ZNF100: variants seen among roughly 807,000 people sequenced by gnomAD.
ZNF100 encodes zinc finger protein 100 (Y1).
Under a neutral mutation model 15.8 loss-of-function variants are expected in ZNF100, and 12 were observed. That is an observed-to-expected ratio of 0.76 (90% CI 0.49 to 1.23). The LOEUF (loss-of-function observed/expected upper bound fraction) is 1.23, where lower values mean the gene tolerates loss of function less well. Among genes scored for constraint, ZNF100 ranks in the 50% most tolerant of loss-of-function variants. The pLI, the probability that ZNF100 is intolerant of heterozygous loss-of-function variation, is 0.00. For synonymous variants in ZNF100, 226 were observed against 214.8 expected, an observed-to-expected ratio of 1.05 and a Z score of -0.45; for missense variants, 670 against 635.6, an observed-to-expected ratio of 1.05 and a Z score of -0.58.
Position 21,726,380 on chromosome 19 carries a change from A to G in ZNF100, c.*303T>C, listed in dbSNP as rs965193060. The G allele has an allele frequency of 1.3e-5, 4 of 318,088 alleles. No homozygotes were observed. The highest frequency in any genetic ancestry group is 8.6e-5 in the African/African-American group (4 of 46,318). The allele number at this position is 318,088 out of a possible 1,614,324, so 19.7% of individuals were successfully genotyped here. On this transcript the variant is annotated 3_prime_UTR_variant, in exon 5 of 5. Transcript: ENST00000358296. ...CACACATGTAGAAGTTTTCTCCAGT[A>G]TAACTTACCTTACCTACAATCAAGT... is the stretch of plus-strand genomic sequence containing the variant.
At chr19:21,755,567 C>T (rs1166578565) in intron 2 of ZNF100, among the ~76,000 whole-genome samples, 1 of 152,150 alleles carries the variant, frequency 6.6e-6, no homozygotes, top group Non-Finnish European at 1.5e-5. Flanking sequence ...TTTGATCCAG[C>T]AATCCCATTA....
At position 21,767,558 on chromosome 19, in the gene ZNF100, G is replaced by A. The variant is rs1162475330; in HGVS notation, c.-129C>T. On this transcript the variant is annotated 5_prime_UTR_variant, in exon 1 of 5. Coordinates refer to ENST00000358296, the MANE Select transcript of ZNF100 (RefSeq NM_173531.4). ...AAGTGAGAGCAAAACCTGGAGCTCC[G>A]GCTACAGCGAGAGACAAAGACCCCG... 9.2e-6 allele frequency: 13 copies of A among 1,408,450 alleles called. No homozygotes were observed. The highest frequency in any genetic ancestry group is 2.4e-5 in the East Asian group (1 of 41,614). The allele number at this position is 1,408,450 out of a possible 1,614,324, so 87.2% of individuals were successfully genotyped here. A position where few individuals can be genotyped will look rare whatever the true frequency, so the allele number is the denominator to read the frequency against.
At chr19:21,749,206 C>CT (rs901981289) in intron 2 of ZNF100, among the ~76,000 whole-genome samples, 1 of 151,826 alleles carries the variant, frequency 6.6e-6, no homozygotes, top group East Asian at 1.9e-4. Flanking sequence ...CGGACCTCCT[C>CT]TTTGTGTTTC....
At chr19:21,731,859 G>A (rs1428611907) in intron 4 of ZNF100, among the ~76,000 whole-genome samples, 1 of 152,202 alleles carries the variant, frequency 6.6e-6, no homozygotes, top group East Asian at 1.9e-4. Context: ...CAAATTGGTT[G>A]TTGTACATTG....
chr19:21,739,879 C>T (rs1265860419), intron 4 of ZNF100, among the ~76,000 whole-genome samples: 4 of 152,032 alleles, frequency 2.6e-5, no homozygotes, highest in Admixed American at 2.6e-4. Flanking sequence ...TATTCCTGCT[C>T]GAGGGTCAAA....
At chr19:21,730,003 A>G (rs1273849336) in intron 4 of ZNF100, among the ~76,000 whole-genome samples, 5 of 152,228 alleles carry the variant, frequency 3.3e-5, no homozygotes, top group Non-Finnish European at 7.4e-5. Flanking sequence ...AAGTAAAAGC[A>G]TATCAATATA....
intron 2 of ZNF100, among the ~76,000 whole-genome samples, chr19:21,759,334 T>C (rs2036442284): frequency 6.6e-6 from 1 of 152,152 alleles, no homozygotes; most frequent in Non-Finnish European, 1.5e-5. Context: ...ATGAAACATA[T>C]AGATAACCCT....
chr19:21,731,101 C>G (rs1395352592), intron 4 of ZNF100, among the ~76,000 whole-genome samples: 2 of 151,938 alleles, frequency 1.3e-5, no homozygotes, highest in Non-Finnish European at 2.9e-5. Flanking sequence ...ATTATAGTTC[C>G]TGATTTAAAA....
intron 2 of ZNF100, chr19:21,751,289 T>C (rs2036303066): frequency 4.0e-6 from 4 of 992,838 alleles, no homozygotes; most frequent in Admixed American, 3.4e-5. Flanking sequence ...CTTAGAAATA[T>C]ATTACCACAT....
chr19:21,726,076 C>T lies in ZNF100; in HGVS notation c.*607G>A, dbSNP rs1221863056. The T allele has an allele frequency of 2.0e-5, 3 of 152,062 alleles. No homozygotes were observed. The highest frequency in any genetic ancestry group is 4.8e-5 in the African/African-American group (2 of 41,406). The allele number at this position is 152,062 out of a possible 1,614,324, so 9.4% of individuals were successfully genotyped here. A position where few individuals can be genotyped will look rare whatever the true frequency, so the allele number is the denominator to read the frequency against. On this transcript the variant is annotated 3_prime_UTR_variant, in exon 5 of 5. Coordinates refer to ENST00000358296, the MANE Select transcript of ZNF100 (RefSeq NM_173531.4). ...TTCAGAGGTTTCCTCTAATACAAAA[C>T]GTGTACAGTAAGATCTGTGATACAA... is the stretch of plus-strand genomic sequence containing the variant.
chr19:21,723,516 A>G lies in ZNF100; in HGVS notation c.*3167T>C, dbSNP rs538899960. The G allele has an allele frequency of 6.6e-6, 1 of 152,356 alleles. No individual in the cohort carries two copies. 9.4% of individuals were successfully genotyped at this position (152,356 alleles called of 1,614,324 possible). On this transcript the variant is annotated 3_prime_UTR_variant, in exon 5 of 5. Coordinates refer to ENST00000358296, the MANE Select transcript of ZNF100 (RefSeq NM_173531.4). Reference sequence around the variant, plus strand: ...GCTGCATACATAGCTGGGGATACACATAATAAATACAGAGAAATCTGAAGA... The same window carrying G: ...GCTGCATACATAGCTGGGGATACACGTAATAAATACAGAGAAATCTGAAGA...
In ZNF100 at chr19:21,751,635, C is replaced by T. The variant is rs1017155508; in HGVS notation, c.97-6568G>A. 8.0e-6 allele frequency: 12 copies of T among 1,498,774 alleles called. No individual in the cohort carries two copies. The African/African-American group carries it at 1.7e-4, about 21-fold the overall frequency. 92.8% of individuals were successfully genotyped at this position (1,498,774 alleles called of 1,614,324 possible). On this transcript the variant is annotated intron_variant, in intron 2 of 4. Transcript: ENST00000358296. Reference sequence around the variant, plus strand: ...TACTGCCAGATCCTCAAGGACATTACAGTTGAGGACATGAATGAAATGGAA... The same window carrying T: ...TACTGCCAGATCCTCAAGGACATTATAGTTGAGGACATGAATGAAATGGAA...
chr19:21,741,500 G>C (rs1044839918), intron 4 of ZNF100, among the ~76,000 whole-genome samples: 1 of 151,908 alleles, frequency 6.6e-6, no homozygotes, highest in Non-Finnish European at 1.5e-5. Flanking sequence ...TCAGCCTCCC[G>C]AGTAGCTGGG....
chr19:21,727,512 C>T lies in ZNF100; in HGVS notation c.800G>A (p.Gly267Glu), dbSNP rs2035828166. The T allele has an allele frequency of 4.3e-6, 7 of 1,613,616 alleles. 1 individual carries two copies. The highest frequency in any genetic ancestry group is 5.1e-6 in the Non-Finnish European group (6 of 1,179,796). ...GEKPYKCEEC[G>E]KAFNRSSHLT... ...GTGTGAGGACCGGTTAAATGCTTTC[C>T]CACATTCTTCACATTTGTAGGGTTT... Residue 267 changes from glycine (G) to glutamate (E), a missense_variant, in exon 5 of 5, where the codon GGG (glycine) becomes GAG (glutamate). By Grantham distance (98) the Gly-to-Glu change is moderately conservative (BLOSUM62 -2). Coordinates refer to ENST00000358296, the MANE Select transcript of ZNF100 (RefSeq NM_173531.4).
In ZNF100 at chr19:21,767,177, G is replaced by A. The variant is rs936111394; in HGVS notation, c.3+250C>T. On this transcript the variant is annotated intron_variant, in intron 1 of 4. Coordinates refer to ENST00000358296, the MANE Select transcript of ZNF100 (RefSeq NM_173531.4). The stretch of plus-strand genomic sequence containing the variant: ...CAATCTGAGAGAGACGCGGCGCTGC[G>A]GGTGCAGAGCTGCCAAGAGAGGGCT... Among the ~76,000 whole-genome samples the A allele has an allele frequency of 2.0e-5, 3 of 152,194 alleles. 1 individual carries two copies. In the South Asian group the frequency reaches 6.2e-4, roughly 31 times the overall value.
intron 2 of ZNF100, among the ~76,000 whole-genome samples, chr19:21,755,863 A>G (rs2036385100): frequency 6.6e-6 from 1 of 152,188 alleles, no homozygotes; most frequent in South Asian, 2.1e-4. Context: ...GTTCTCACTC[A>G]TAAGTGGGAG....
rs1197298926 is a variant in ZNF100, at chr19:21,725,682, A to G, written c.*1001T>C. ...TTATTACTCACTTTTCAAAAAATCT[A>G]ATTTTTTCAAAAAGTTAAGCATACT... On this transcript the variant is annotated 3_prime_UTR_variant, in exon 5 of 5. Coordinates refer to ENST00000358296, the MANE Select transcript of ZNF100 (RefSeq NM_173531.4). 6.6e-6 allele frequency: 1 copy of G among 152,096 alleles called. No individual in the cohort carries two copies. The highest frequency in any genetic ancestry group is 2.1e-4 in the South Asian group (1 of 4,828). The allele number at this position is 152,096 out of a possible 1,614,324, so 9.4% of individuals were successfully genotyped here. A position where few individuals can be genotyped will look rare whatever the true frequency, so the allele number is the denominator to read the frequency against.
At chr19:21,732,552 A>G (rs1238663090) in intron 4 of ZNF100, among the ~76,000 whole-genome samples, 1 of 151,936 alleles carries the variant, frequency 6.6e-6, no homozygotes, top group Non-Finnish European at 1.5e-5. Context: ...CAATGGCAAT[A>G]TAAAATAAAA....
chr19:21,736,470 C>T (rs953842263), intron 4 of ZNF100, among the ~76,000 whole-genome samples: 3 of 152,194 alleles, frequency 2.0e-5, no homozygotes, highest in Non-Finnish European at 2.9e-5. Context: ...TAACACCCCA[C>T]TGCCAATACT....
Sources: gnomAD v4.1 joint callset for allele counts (sites outside exome capture counted in the v4.1 genomes callset) on GRCh38, gnomAD v4.1.1 for gene constraint, MANE v1.5 for transcripts, NCBI Gene and HGNC (gene_info 2026-07-23, HGNC 2026-07-21) for gene names.